The following FYCO1 variants were observed in gnomAD, a reference collection of about 807,000 sequenced individuals.
FYCO1 encodes FYVE and coiled-coil domain-containing protein 1.
In FYCO1, 122 loss-of-function variants were observed where a neutral mutation model predicts 165.1. The observed-to-expected ratio is 0.74, with a 90% CI of 0.64 to 0.86. FYCO1 has a LOEUF of 0.86. Among genes scored for constraint, FYCO1 ranks in the 40% least tolerant of loss-of-function variants. The pLI is 0.00. For missense variants in FYCO1, 1,702 were observed against 1,810.3 expected, an observed-to-expected ratio of 0.94 and a Z score of 1.09; for synonymous variants, 648 against 742.5, an observed-to-expected ratio of 0.87 and a Z score of 2.07.
intron 16 of FYCO1, 119 bp from the exon 17 acceptor site, chr3:45,923,884 G>T (rs1703203251): frequency 5.4e-6 from 4 of 743,726 alleles, no homozygotes; most frequent in Admixed American, 3.9e-5. Context: ...GGTCACAGAT[G>T]AGCAGAGCCG....
chr3:45,965,094 C>G lies in FYCO1; in HGVS notation c.3089G>C (p.Gly1030Ala). Residue 1030 changes from glycine (G) to alanine (A), a missense_variant, in exon 9 of 18, where the codon GGC becomes GCC. Transcript: ENST00000296137. ...CTGCCGGCCTTGCTCCTCAAGCTGG[C>G]CCCTGAGGCTCTTGCACTCTTCACC... ...NAGEECKSLR[G>A]QLEEQGRQLQ... 1 of 1,614,054 alleles carries G rather than the reference C, an allele frequency of 6.2e-7. No homozygotes were observed. The highest frequency in any genetic ancestry group is 8.5e-7 in the Non-Finnish European group (1 of 1,180,000).
chr3:45,981,510 AC>A, intron 3 of FYCO1, 59 bp downstream of exon 3: 1 of 1,068,188 alleles, frequency 9.4e-7, no homozygotes, highest in Non-Finnish European at 1.5e-6. Context: ...CTGATGAGTC[AC>A]CCAAGAGGGA....
intron 2 of FYCO1, 99 bp downstream of exon 2, chr3:45,984,757 G>T: frequency 1.6e-6 from 2 of 1,255,920 alleles, no homozygotes; most frequent in Non-Finnish European, 2.3e-6. Flanking sequence ...CTCGTTGTGT[G>T]AACAAAAATG....
intron 14 of FYCO1, 50 bp downstream of exon 14, chr3:45,955,199 G>T (rs59534550): frequency 3.7e-6 from 6 of 1,601,120 alleles, no homozygotes; most frequent in Non-Finnish European, 5.1e-6. Flanking sequence ...GAAAGCACAG[G>T]GGCCAGGCCT....
At position 45,923,698 on chromosome 3, in the gene FYCO1, G is replaced by A. The variant is rs41289612; in HGVS notation, c.4319C>T (p.Thr1440Ile). Residue 1440 changes from threonine (T) to isoleucine (I), a missense_variant, in exon 17 of 18, where the codon ACA (threonine) becomes ATA (isoleucine). Physicochemically the swap from Thr to Ile is moderately conservative, Grantham distance 89. Coordinates refer to ENST00000296137, the MANE Select transcript of FYCO1 (RefSeq NM_024513.4). Reference protein sequence around the residue: ...ENIQGQLKVRTPGIYMLIFDN... With the variant: ...ENIQGQLKVRIPGIYMLIFDN... ...GAAGATGAGCATGTAGATGCCGGGT[G>A]TGCGAACCTTGAGCTGGCCCTGGAT... is the stretch of plus-strand genomic sequence containing the variant. 8,947 of 1,614,120 alleles carry A rather than the reference G, an allele frequency of 5.5e-3. 35 individuals are homozygous for A. The highest frequency in any genetic ancestry group is 6.7e-3 in the Non-Finnish European group (7,920 of 1,179,948).
At chr3:45,961,577 C>CAA (rs34367507) in intron 11 of FYCO1, among the ~76,000 whole-genome samples, 1 of 119,940 alleles carries the variant, frequency 8.3e-6, no homozygotes, top group Non-Finnish European at 1.8e-5. Flanking sequence ...GACTCTGTCT[C>CAA]AAAAAAAAAA....
At chr3:45,945,512 C>G (rs1221992845) in intron 14 of FYCO1, 1 of 152,220 alleles carries the variant, frequency 6.6e-6, no homozygotes, top group African/African-American at 2.4e-5. Context: ...GGGCTGGTGC[C>G]CTGGGTAAGA....
At chr3:45,924,608 AT>A (rs1245623186) in intron 16 of FYCO1, among the ~76,000 whole-genome samples, 1 of 150,274 alleles carries the variant, frequency 6.7e-6, no homozygotes, top group Non-Finnish European at 1.5e-5. Context: ...GCCAGTCAAC[AT>A]TTTTTTTTCC....
At chr3:45,937,662 C>T (rs1193897105) in intron 14 of FYCO1, among the ~76,000 whole-genome samples, 1 of 152,232 alleles carries the variant, frequency 6.6e-6, no homozygotes, top group Non-Finnish European at 1.5e-5. Flanking sequence ...TCAGCAGCTT[C>T]CTGCCCACAG....
chr3:45,959,733 C>A (rs573405154), intron 11 of FYCO1, among the ~76,000 whole-genome samples, 191 bp from the exon 12 acceptor site: 1 of 152,216 alleles, frequency 6.6e-6, no homozygotes, highest in African/African-American at 2.4e-5. Context: ...TTAACTGACA[C>A]CGCATGTGTG....
At chr3:45,963,404 G>A (rs1705812937) in intron 10 of FYCO1, among the ~76,000 whole-genome samples, 1 of 152,160 alleles carries the variant, frequency 6.6e-6, no homozygotes, top group African/African-American at 2.4e-5. Context: ...CTTAACTAAG[G>A]GCAGCCAGTG....
At chr3:45,958,786 C>A (rs1705515235) in intron 12 of FYCO1, 167 bp from the exon 13 acceptor site, 2 of 716,442 alleles carry the variant, frequency 2.8e-6, no homozygotes, top group South Asian at 3.0e-5. Flanking sequence ...CCAACAAAGC[C>A]TTCTTGTCAG....
At chr3:45,939,676 C>T (rs1704105557) in intron 14 of FYCO1, among the ~76,000 whole-genome samples, 1 of 152,174 alleles carries the variant, frequency 6.6e-6, no homozygotes, top group Non-Finnish European at 1.5e-5. Flanking sequence ...CCTCGCTAAG[C>T]CCCGCAGAGT....
rs183301242 is a variant in FYCO1, at chr3:45,937,205, A to T, written c.3945-662T>A. The stretch of plus-strand genomic sequence containing the variant: ...GGTGCCTCAGAGCCCAACCAGCTCC[A>T]CTCCCCAGTTCTGCCAAAGAGGAAA... On this transcript the variant is annotated intron_variant, in intron 14 of 17. Transcript: ENST00000296137. 2.7e-3 allele frequency among the ~76,000 whole-genome samples: 406 copies of T among 152,014 alleles called. 1 individual carries two copies. The highest frequency in any genetic ancestry group is 9.4e-3 in the African/African-American group (390 of 41,450).
intron 14 of FYCO1, chr3:45,945,536 T>C (rs1314127622): frequency 6.6e-6 from 1 of 152,224 alleles, no homozygotes; most frequent in East Asian, 1.9e-4. Context: ...GTTGCCCATC[T>C]GGCATCCCAT....
chr3:45,951,977 G>C (rs1705060095), intron 14 of FYCO1, among the ~76,000 whole-genome samples: 1 of 152,336 alleles, frequency 6.6e-6, no homozygotes, highest in South Asian at 2.1e-4. Flanking sequence ...ATGGGACGGA[G>C]AGAAGAGAGC....
chr3:45,936,021 A>G (rs1454935818), intron 15 of FYCO1, among the ~76,000 whole-genome samples: 1 of 152,236 alleles, frequency 6.6e-6, no homozygotes, highest in African/African-American at 2.4e-5. Flanking sequence ...GTCAAAAATT[A>G]TATGCATATA....
intron 4 of FYCO1, 54 bp downstream of exon 4, chr3:45,979,651 G>A (rs547395798): frequency 2.2e-5 from 36 of 1,607,462 alleles, no homozygotes; most frequent in Non-Finnish European, 2.7e-5. Flanking sequence ...TGCAAGAGCT[G>A]CTTTAAGCAG....
At position 45,968,607 on chromosome 3, in the gene FYCO1, C is replaced by T; in HGVS notation, c.727G>A (p.Glu243Lys). 6.2e-7 allele frequency: 1 copy of T among 1,614,064 alleles called. No homozygotes were observed. Among genetic ancestry groups the T allele is most frequent in the Non-Finnish European group, 8.5e-7 (1 of 1,179,998 alleles). The change falls in exon 8 of 18, where the codon GAG (glutamate) becomes AAG (lysine). Residue 243 changes from glutamate to lysine, a missense_variant. Coordinates refer to ENST00000296137, the MANE Select transcript of FYCO1 (RefSeq NM_024513.4). ...TCCCGTAGCTGCTTCTCCCGCACCTCCAACTGGTCCAGCTCTAGTCGCATC... is the reference window on the plus strand; with the variant it reads ...TCCCGTAGCTGCTTCTCCCGCACCTTCAACTGGTCCAGCTCTAGTCGCATC... The part of the protein sequence containing the change: ...DEMRLELDQL[E>K]VREKQLRERM...
Sources: gnomAD v4.1 joint callset for allele counts (sites outside exome capture counted in the v4.1 genomes callset) on GRCh38, gnomAD v4.1.1 for gene constraint, MANE v1.5 for transcripts, NCBI Gene and HGNC (gene_info 2026-07-23, HGNC 2026-07-21) for gene names.